The following BICRAL variants were observed in gnomAD, a reference collection of about 807,000 sequenced individuals.
The protein encoded by BICRAL is BICRA like chromatin remodeling complex associated protein.
A neutral mutation model predicts 91.8 loss-of-function variants in BICRAL; 8 were observed. That is an observed-to-expected ratio of 0.09 (90% CI 0.05 to 0.16). BICRAL has a LOEUF of 0.16. Ranked by LOEUF, BICRAL falls within the 10% of genes least tolerant of loss-of-function variation. BICRAL has a pLI of 1.00. For synonymous variants in BICRAL, 445 were observed against 491.1 expected (o/e 0.91, Z 1.24); for missense variants, 1,038 against 1,310.9 (o/e 0.79, Z 3.21).
At chr6:42,801,127 C>T (rs976904601) in intron 1 of BICRAL, among the ~76,000 whole-genome samples, 2 of 151,716 alleles carry the variant, frequency 1.3e-5, no homozygotes, top group African/African-American at 4.8e-5. Flanking sequence ...TGGCAGGTGC[C>T]TGTAATCCCA....
At chr6:42,857,552 A>C (rs1765407026) in intron 10 of BICRAL, among the ~76,000 whole-genome samples, 1 of 148,518 alleles carries the variant, frequency 6.7e-6, no homozygotes, top group South Asian at 2.1e-4. Context: ...CACGCCTGTA[A>C]ATAGCCATTG....
chr6:42,799,869 ATATTTATTTATT>A (rs201720820), intron 1 of BICRAL, among the ~76,000 whole-genome samples: 1 of 151,150 alleles, frequency 6.6e-6, no homozygotes. Flanking sequence ...TCTTTCTTAA[ATATTTATTTATT>A]TATTTATTTA....
intron 6 of BICRAL, among the ~76,000 whole-genome samples, chr6:42,846,613 A>C (rs534074891): frequency 1.3e-4 from 20 of 152,160 alleles, no homozygotes; most frequent in Admixed American, 9.2e-4. Context: ...CCATGACTGG[A>C]GGGGTAGTCT....
intron 1 of BICRAL, among the ~76,000 whole-genome samples, chr6:42,782,325 GTGT>G (rs1223815111): frequency 9.1e-6 from 1 of 110,274 alleles, no homozygotes; most frequent in African/African-American, 3.5e-5. Context: ...GGCTAAGGCT[GTGT>G]TTTTTTTTTT....
chr6:42,845,195 GTTTTTTTTTTTTTT>G lies in BICRAL; in HGVS notation c.1840-6857_1840-6844del, dbSNP rs748804344. ...CTTCTCTGTTTTTTGTTTTTTGGGT[GTTTTTTTTTTTTTT>G]TTTTTTTTTTTTTTTTTTTTTTTTT... On this transcript the variant is annotated intron_variant, in intron 6 of 12. Transcript: ENST00000314073. Among the ~76,000 whole-genome samples, 102 of 25,612 alleles carry G rather than the reference GTTTTTTTTTTTTTT, an allele frequency of 4.0e-3. 1 individual carries two copies. The highest frequency in any genetic ancestry group is 0.01 in the African/African-American group (94 of 9,082). The allele number at this position is 25,612 out of a possible 152,430, so 16.8% of individuals were successfully genotyped here.
intron 1 of BICRAL, among the ~76,000 whole-genome samples, chr6:42,747,979 T>C (rs1367382887): frequency 2.0e-5 from 3 of 152,156 alleles, no homozygotes; most frequent in Admixed American, 6.6e-5. Flanking sequence ...TAATTTTGTA[T>C]TTTTAGTAGA....
At chr6:42,804,427 T>C (rs1311507893) in intron 1 of BICRAL, among the ~76,000 whole-genome samples, 4 of 152,208 alleles carry the variant, frequency 2.6e-5, no homozygotes, top group Non-Finnish European at 4.4e-5. Flanking sequence ...GCTGGTAAGA[T>C]GTCAGATGTC....
At chr6:42,858,428 A>G (rs1235507565) in intron 10 of BICRAL, among the ~76,000 whole-genome samples, 3 of 150,842 alleles carry the variant, frequency 2.0e-5, no homozygotes, top group African/African-American at 4.9e-5. Context: ...AGGCAGGAGA[A>G]TCGTTTGAAC....
chr6:42,853,064 CAA>C (rs35328845), intron 7 of BICRAL, among the ~76,000 whole-genome samples: 37 of 97,670 alleles, frequency 3.8e-4, no homozygotes, highest in Admixed American at 3.5e-4. Context: ...GACCTTGTCT[CAA>C]AAAAAAAAAA....
upstream of BICRAL, among the ~76,000 whole-genome samples, chr6:42,781,271 T>A (rs1221745176): frequency 2.0e-5 from 3 of 152,142 alleles, no homozygotes; most frequent in Non-Finnish European, 4.4e-5. Flanking sequence ...TGAGAGTGAT[T>A]TACTCTGCCT....
At chr6:42,808,164 T>C (rs1763762968) in intron 1 of BICRAL, among the ~76,000 whole-genome samples, 1 of 151,444 alleles carries the variant, frequency 6.6e-6, no homozygotes, top group Non-Finnish European at 1.5e-5. Flanking sequence ...GGAGTTTTGC[T>C]CTTGTTGCCC....
rs560724452 is a variant in BICRAL at position 42,787,963 on chromosome 6, C to T, written c.-102+5862C>T. ...GGTTGGAGTGCAATGGTGCAAATTA[C>T]GGCTTACCACAGACTCAACCTACTG... On this transcript the variant is annotated intron_variant, in intron 1 of 12. Transcript: ENST00000314073. Among the ~76,000 whole-genome samples, 6 of 150,682 alleles carry T rather than the reference C, an allele frequency of 4.0e-5. No homozygotes were observed. In the South Asian group the frequency reaches 1.0e-3, roughly 26 times the overall value.
chr6:42,754,328 C>T (rs773644701), intron 1 of BICRAL, among the ~76,000 whole-genome samples: 13 of 152,066 alleles, frequency 8.5e-5, no homozygotes, highest in African/African-American at 2.4e-4. Context: ...CCCGCCACCA[C>T]GCCTGGCTAA....
intron 1 of BICRAL, among the ~76,000 whole-genome samples, chr6:42,770,713 G>A (rs56825428): frequency 0.012 from 1,793 of 151,356 alleles, 49 homozygotes; most frequent in African/African-American, 0.042. Context: ...ACCCCACCCG[G>A]TCAGTGTTTT....
chr6:42,842,249 G>A (rs1764820188), intron 6 of BICRAL, among the ~76,000 whole-genome samples: 1 of 152,172 alleles, frequency 6.6e-6, no homozygotes, highest in Non-Finnish European at 1.5e-5. Flanking sequence ...AGTGCAGCCA[G>A]GATACAGAAG....
In BICRAL at chr6:42,752,613, AT is replaced by A. The variant is rs939533811; in HGVS notation, c.-261+5601del. ...AGATGCATGCCACCGTGCCCAGCTAATTTTTTTTTTTAGATTGAGTCTCACT... is the reference window on the plus strand; with the variant it reads ...AGATGCATGCCACCGTGCCCAGCTAATTTTTTTTTTAGATTGAGTCTCACT... On this transcript the variant is annotated intron_variant, in intron 1 of 14. Coordinates refer to the BICRAL transcript ENST00000614467. Among the ~76,000 whole-genome samples, 387 of 146,746 alleles carry A rather than the reference AT, an allele frequency of 2.6e-3. 3 individuals carry two copies. Among genetic ancestry groups the A allele is most frequent in the African/African-American group, 8.9e-3 (357 of 40,134 alleles).
At chr6:42,835,725 G>A (rs769792047) in intron 6 of BICRAL, among the ~76,000 whole-genome samples, 4 of 152,160 alleles carry the variant, frequency 2.6e-5, no homozygotes, top group Non-Finnish European at 4.4e-5. Flanking sequence ...CTTGAGCTCA[G>A]GAGCTCCAGA....
chr6:42,830,320 C>G, intron 6 of BICRAL, 148 bp downstream of exon 6: 1 of 759,530 alleles, frequency 1.3e-6, no homozygotes, highest in Non-Finnish European at 2.1e-6. Flanking sequence ...AATCCCAACA[C>G]TTTGGGAGGC....
At chr6:42,832,414 TATATA>T (rs1245305042) in intron 6 of BICRAL, among the ~76,000 whole-genome samples, 3 of 147,516 alleles carry the variant, frequency 2.0e-5, no homozygotes, top group Non-Finnish European at 3.0e-5. Context: ...TATATGTATA[TATATA>T]ATATATTATG....
Sources: gnomAD v4.1 joint callset for allele counts (sites outside exome capture counted in the v4.1 genomes callset) on GRCh38, gnomAD v4.1.1 for gene constraint, MANE v1.5 for transcripts, NCBI Gene and HGNC (gene_info 2026-07-23, HGNC 2026-07-21) for gene names.